GPM6B: variants seen among roughly 807,000 people sequenced by gnomAD.
GPM6B encodes the protein glycoprotein M6B.
GPM6B carries 4 observed loss-of-function variants against 27.2 expected under a neutral mutation model. The observed-to-expected ratio is 0.15, with a 90% CI of 0.07 to 0.34. The LOEUF (loss-of-function observed/expected upper bound fraction) is 0.34. Ranked by LOEUF, GPM6B falls within the 10% of genes least tolerant of loss-of-function variation. GPM6B has a pLI of 1.00. For missense variants in GPM6B, 183 were observed against 261.9 expected (o/e 0.70, Z 2.08); for synonymous variants, 124 against 103.1 (o/e 1.20, Z -1.23).
chrX:13,921,775 C>T (rs1920980228), intron 1 of GPM6B, among the ~76,000 whole-genome samples: 3 of 111,067 alleles, frequency 2.7e-5, no homozygotes. Context: ...GACGGGGTTT[C>T]GCCATGTTGG....
At chrX:13,861,005 T>TACAC (rs55808485) in intron 1 of GPM6B, among the ~76,000 whole-genome samples, 103 of 79,388 alleles carry the variant, frequency 1.3e-3, no homozygotes, top group South Asian at 0.011. Context: ...TGAATGTGCA[T>TACAC]ACACACACAC....
intron 1 of GPM6B, among the ~76,000 whole-genome samples, chrX:13,918,472 C>T (rs1300709375): frequency 1.8e-5 from 2 of 112,225 alleles, no homozygotes; most frequent in East Asian, 2.8e-4. Flanking sequence ...TGTATAGAGA[C>T]ATTTCCTCAT....
intron 1 of GPM6B, among the ~76,000 whole-genome samples, chrX:13,872,477 C>T (rs1309179560): frequency 1.8e-5 from 2 of 110,898 alleles, no homozygotes; most frequent in African/African-American, 6.6e-5. Flanking sequence ...GCCTACATAT[C>T]ACTTTTGAGA....
At chrX:13,919,777 A>C (rs761687140) in intron 1 of GPM6B, among the ~76,000 whole-genome samples, 32 of 111,682 alleles carry the variant, frequency 2.9e-4, no homozygotes, top group Non-Finnish European at 5.6e-4. Flanking sequence ...ATACGCCTGC[A>C]GAAAAGAGAA....
At chrX:13,912,998 T>C (rs1001550006) in intron 1 of GPM6B, among the ~76,000 whole-genome samples, 6 of 112,755 alleles carry the variant, frequency 5.3e-5, no homozygotes, top group Admixed American at 9.4e-5. Flanking sequence ...TTACCTTTTA[T>C]TTAGATGAAA....
chrX:13,856,990 A>G (rs908021559), intron 1 of GPM6B, among the ~76,000 whole-genome samples: 2 of 111,518 alleles, frequency 1.8e-5, no homozygotes, highest in African/African-American at 6.5e-5. Flanking sequence ...CGCCTCTTAT[A>G]ATCTGTGGCT....
At chrX:13,850,764 T>C (rs2049706219) in intron 1 of GPM6B, among the ~76,000 whole-genome samples, 1 of 112,623 alleles carries the variant, frequency 8.9e-6, no homozygotes, top group African/African-American at 3.2e-5. Context: ...CTTTAGGACA[T>C]GCAATGAATA....
At chrX:13,834,583 A>G (rs981196490) in intron 1 of GPM6B, among the ~76,000 whole-genome samples, 3 of 112,425 alleles carry the variant, frequency 2.7e-5, no homozygotes, top group African/African-American at 9.7e-5. Context: ...GTGATGATTG[A>G]TAGGCGAGGC....
chrX:13,798,643 C>G (rs1002142581), intron 2 of GPM6B, among the ~76,000 whole-genome samples: 17 of 112,682 alleles, frequency 1.5e-4, no homozygotes, highest in Non-Finnish European at 2.4e-4. Flanking sequence ...ATATAATATT[C>G]CAGACTTATC....
At chrX:13,931,418 G>A (rs1291559263) in intron 1 of GPM6B, among the ~76,000 whole-genome samples, 2 of 109,274 alleles carry the variant, frequency 1.8e-5, no homozygotes, top group African/African-American at 6.7e-5. Flanking sequence ...AACCCAGGAG[G>A]CAGAGCTTGC....
chrX:13,817,749 T>C (rs2049263029), upstream of GPM6B, among the ~76,000 whole-genome samples: 1 of 111,935 alleles, frequency 8.9e-6, no homozygotes, highest in Non-Finnish European at 1.9e-5. Flanking sequence ...ACGATAGCAA[T>C]GTAGCAATTT....
At position 13,838,420 on chromosome X, in the gene GPM6B, G is replaced by A. The variant is rs138310687; in HGVS notation, c.-197-52612C>T. Among the ~76,000 whole-genome samples the A allele has an allele frequency of 5.1e-3, 575 of 112,727 alleles. 7 individuals carry two copies. Among genetic ancestry groups the A allele is most frequent in the African/African-American group, 0.017 (534 of 31,070 alleles). On this transcript the variant is annotated intron_variant, in intron 1 of 6. Transcript: ENST00000398361. ...TCTCCAAAGGACTGCATCTCAATTT[G>A]AGGGTGAGAAATTAAGATTCATCTG... is the stretch of plus-strand genomic sequence containing the variant.
At chrX:13,937,347 A>G (rs912334466) in intron 1 of GPM6B, among the ~76,000 whole-genome samples, 1 of 111,622 alleles carries the variant, frequency 9.0e-6, no homozygotes, top group African/African-American at 3.3e-5. Flanking sequence ...CCTCACCAAA[A>G]TTTTAATCCG....
chrX:13,920,310 A>G (rs1306602921), intron 1 of GPM6B, among the ~76,000 whole-genome samples: 1 of 83,303 alleles, frequency 1.2e-5, no homozygotes, highest in Non-Finnish European at 2.7e-5. Flanking sequence ...AGAAAAAAAA[A>G]GAAAGAAAAA....
In GPM6B at chrX:13,930,631, C is replaced by T. The variant is rs565622606; in HGVS notation, c.-198+7696G>A. Reference sequence around the variant, plus strand: ...TCCGTCTCAAAAAAAAAAAAAGAAACGAACAAGGGAACATCACTACAGATA... The same window carrying T: ...TCCGTCTCAAAAAAAAAAAAAGAAATGAACAAGGGAACATCACTACAGATA... On this transcript the variant is annotated intron_variant, in intron 1 of 6. Transcript: ENST00000398361. 1.3e-4 allele frequency among the ~76,000 whole-genome samples: 14 copies of T among 108,285 alleles called. No homozygotes were observed. In the South Asian group the frequency reaches 1.9e-3, roughly 15 times the overall value. The allele number at this position is 108,285 out of a possible 115,157, so 94.0% of individuals were successfully genotyped here.
intron 1 of GPM6B, among the ~76,000 whole-genome samples, chrX:13,877,879 T>C (rs768134215): frequency 1.8e-4 from 19 of 106,822 alleles, no homozygotes; most frequent in Middle Eastern, 9.3e-3. Flanking sequence ...GCCTTTTTTT[T>C]CCCCTAGTTT....
At position 13,774,459 on chromosome X, in the gene GPM6B, GC is replaced by G. The variant is rs774888712; in HGVS notation, c.838-1430del. The stretch of plus-strand genomic sequence containing the variant: ...ATTTACAAATTACTGTAACAAAATT[GC>G]AGAAACCTAGACTCTGCTTTAGTCT... On this transcript the variant is annotated intron_variant, in intron 7 of 7. Coordinates refer to ENST00000316715, the MANE Select transcript of GPM6B (RefSeq NM_001001995.3). 7.7e-6 allele frequency: 9 copies of G among 1,169,998 alleles called. No homozygotes were observed. In the African/African-American group the frequency reaches 1.4e-4, roughly 18 times the overall value.
chrX:13,897,548 G>A (rs2050244567), intron 1 of GPM6B, among the ~76,000 whole-genome samples: 1 of 111,839 alleles, frequency 8.9e-6, no homozygotes, highest in East Asian at 2.8e-4. Flanking sequence ...AACAGGAATG[G>A]TTTGTTAATA....
At chrX:13,822,532 A>G (rs1335538921) in intron 1 of GPM6B, among the ~76,000 whole-genome samples, 3 of 107,178 alleles carry the variant, frequency 2.8e-5, no homozygotes, top group Admixed American at 9.9e-5. Context: ...ACGCCCAGCT[A>G]ATTTTTTTTT....
Sources: gnomAD v4.1 joint callset for allele counts (sites outside exome capture counted in the v4.1 genomes callset) on GRCh38, gnomAD v4.1.1 for gene constraint, MANE v1.5 for transcripts, NCBI Gene and HGNC (gene_info 2026-07-23, HGNC 2026-07-21) for gene names.